ZMYM6: variants seen among roughly 807,000 people sequenced by gnomAD.
ZMYM6 encodes the protein zinc finger MYM-type protein 6.
In ZMYM6, 90 loss-of-function variants were observed where a neutral mutation model predicts 134.0. The ratio of observed to expected loss-of-function variants is 0.67; its 90% CI spans 0.57 to 0.80. ZMYM6 has a LOEUF of 0.80. Ranked by LOEUF, ZMYM6 falls within the 30% of genes least tolerant of loss-of-function variation. The pLI is 0.00. For synonymous variants in ZMYM6, 481 were observed against 524.1 expected (o/e 0.92, Z 1.12); for missense variants, 1,362 against 1,533.9 (o/e 0.89, Z 1.87).
intron 4 of ZMYM6, among the ~76,000 whole-genome samples, chr1:35,015,491 C>T (rs559279896): frequency 1.3e-5 from 2 of 151,720 alleles, no homozygotes; most frequent in African/African-American, 2.4e-5. Context: ...TTTGGGAGGC[C>T]GAGGTGGGCG....
Position 35,008,846 on chromosome 1 carries a change from G to A in ZMYM6, c.1571C>T (p.Thr524Ile). 2 of 1,614,136 alleles carry A rather than the reference G, an allele frequency of 1.2e-6. No individual in the cohort carries two copies. The highest frequency in any genetic ancestry group is 2.7e-5 in the African/African-American group (2 of 75,040). Residue 524 changes from threonine (T) to isoleucine (I), a missense_variant, in exon 11 of 16, where the codon ACA becomes ATA. Thr to Ile is a moderately conservative substitution (Grantham distance 89). Around this residue, in one of 3 missense-constraint regions of ZMYM6, gnomAD observed 824 missense variants for 940.9 expected, o/e 0.88. Coordinates refer to ENST00000357182, the MANE Select transcript of ZMYM6 (RefSeq NM_007167.4). Reference protein sequence around the residue: ...YCKMCSYCSQTSPNLVENRLE... With the variant: ...YCKMCSYCSQISPNLVENRLE... ...TCGATTTTCTACCAAATTTGGGGAT[G>A]TCTGTGAACAGTAGCTGCACATCTT... is the stretch of plus-strand genomic sequence containing the variant.
intron 14 of ZMYM6, among the ~76,000 whole-genome samples, chr1:34,994,170 G>C (rs1300261106): frequency 6.6e-6 from 1 of 152,152 alleles, no homozygotes; most frequent in African/African-American, 2.4e-5. Context: ...AGATACCGCA[G>C]AAAACAAGAC....
rs1013308897 is a variant in ZMYM6 at position 34,988,036 on chromosome 1, G to A, written c.3046C>T (p.Arg1016Cys). The change falls in exon 16 of 16, where the codon CGT becomes TGT. Residue 1016 changes from arginine to cysteine, a missense_variant. Transcript: ENST00000357182. ...GGAGACAACTTTTCTGCCACTAAAC[G>A]TTCACGGTGAATAAAACAATGTGTA... ...AFTHCFIHRE[R>C]LVAEKLSPCL... is the part of the protein sequence containing the mutation. 6 of 1,551,396 alleles carry A rather than the reference G, an allele frequency of 3.9e-6. No individual in the cohort carries two copies. The highest frequency in any genetic ancestry group is 1.2e-5 in the South Asian group (1 of 83,986).
intron 2 of ZMYM6, among the ~76,000 whole-genome samples, chr1:35,026,733 T>C (rs1261598298): frequency 6.6e-6 from 1 of 152,208 alleles, no homozygotes; most frequent in African/African-American, 2.4e-5. Flanking sequence ...AGTTTTACCA[T>C]GAGACACTGG....
At chr1:35,017,594 T>A (rs979767488) in intron 4 of ZMYM6, 1 of 152,198 alleles carries the variant, frequency 6.6e-6, no homozygotes, top group African/African-American at 2.4e-5. Context: ...AACAATAACA[T>A]AGCTCAAAAC....
intron 11 of ZMYM6, 65 bp downstream of exon 11, chr1:35,008,685 TAC>T: frequency 6.5e-7 from 1 of 1,527,554 alleles, no homozygotes; most frequent in Non-Finnish European, 8.8e-7. Context: ...ATAATTTGAA[TAC>T]ATTTTAAATA....
At chr1:34,996,319 T>C (rs1328977255) in intron 14 of ZMYM6, among the ~76,000 whole-genome samples, 1 of 152,204 alleles carries the variant, frequency 6.6e-6, no homozygotes, top group African/African-American at 2.4e-5. Context: ...GTAAGCATTA[T>C]TTGTAGTCCC....
rs768661171 is a variant in ZMYM6 at position 35,008,868 on chromosome 1, T to C, written c.1549A>G (p.Met517Val). 1.9e-6 allele frequency: 3 copies of C among 1,614,060 alleles called. No homozygotes were observed. In the South Asian group the frequency reaches 3.3e-5, roughly 18 times the overall value. ...FGERWGNYCK[M>V]CSYCSQTSPN... ...GATGTCTGTGAACAGTAGCTGCACA[T>C]CTTACAGTAGTTTCCCCATCGTTCT... Residue 517 changes from methionine (M) to valine (V), a missense_variant, in exon 11 of 16, where the codon ATG becomes GTG. Met to Val is a conservative substitution (Grantham distance 21). Coordinates refer to ENST00000357182, the MANE Select transcript of ZMYM6 (RefSeq NM_007167.4).
chr1:34,990,309 T>C, intron 15 of ZMYM6: 1 of 281,458 alleles, frequency 3.6e-6, no homozygotes, highest in South Asian at 2.9e-5. Context: ...TGAAATCCCG[T>C]CTCTACTAAA....
chr1:34,992,136 T>C (rs1428766684), intron 15 of ZMYM6, 98 bp downstream of exon 15: 1 of 1,486,490 alleles, frequency 6.7e-7, no homozygotes, highest in Non-Finnish European at 9.4e-7. Context: ...TTTTCACATT[T>C]AAGACTCTGT....
Position 35,019,596 on chromosome 1 carries a change from T to A in ZMYM6, c.185A>T (p.Gln62Leu). Residue 62 changes from glutamine (Q) to leucine (L), a missense_variant, in exon 4 of 16, where the codon CAG becomes CTG. Physicochemically the swap from Gln to Leu is moderately radical, Grantham distance 113. Transcript: ENST00000357182. ...AGAAAGCTGAAAGCCTGGGTTCAAC[T>A]GCTGGGCTATCAAAACAAAATAAAA... ...SSVNERPIAQ[Q>L]LNPGFQLSFA... 6.3e-7 allele frequency: 1 copy of A among 1,588,350 alleles called. No individual in the cohort carries two copies. Among genetic ancestry groups the A allele is most frequent in the South Asian group, 1.2e-5 (1 of 86,086 alleles).
chr1:35,005,989 A>ATTT lies in ZMYM6; in HGVS notation c.1814-718_1814-717insAAA, dbSNP rs1640959140. On this transcript the variant is annotated intron_variant, in intron 12 of 15. Coordinates refer to ENST00000357182, the MANE Select transcript of ZMYM6 (RefSeq NM_007167.4). ...CAATCAGGTAGCACTCCAGGCTTTGAACAGAGAACATAATAGCAAGTGGCT... is the reference window on the plus strand; with the variant it reads ...CAATCAGGTAGCACTCCAGGCTTTGATTTACAGAGAACATAATAGCAAGTGGCT... Among the ~76,000 whole-genome samples, 11 of 152,352 alleles carry ATTT rather than the reference A, an allele frequency of 7.2e-5. No homozygotes were observed. In the South Asian group the frequency reaches 1.9e-3, roughly 26 times the overall value.
At chr1:35,001,907 T>G (rs1300573904) in intron 14 of ZMYM6, among the ~76,000 whole-genome samples, 1 of 152,234 alleles carries the variant, frequency 6.6e-6, no homozygotes, top group African/African-American at 2.4e-5. Context: ...AGAATGACTC[T>G]AATGTGGTTT....
At chr1:35,001,515 AG>A (rs1640880888) in intron 14 of ZMYM6, among the ~76,000 whole-genome samples, 1 of 152,156 alleles carries the variant, frequency 6.6e-6, no homozygotes, top group South Asian at 2.1e-4. Context: ...ATATATACAG[AG>A]GAAAGAAGCA....
intron 14 of ZMYM6, among the ~76,000 whole-genome samples, chr1:34,993,526 T>C (rs1640722772): frequency 6.6e-6 from 1 of 152,206 alleles, no homozygotes; most frequent in Non-Finnish European, 1.5e-5. Context: ...ATAATCTCCC[T>C]ATTTTAAGGT....
At chr1:34,989,562 T>A (rs570705984) in intron 15 of ZMYM6, 1 of 151,810 alleles carries the variant, frequency 6.6e-6, no homozygotes, top group Non-Finnish European at 1.5e-5. Flanking sequence ...AAGAATAAAT[T>A]TTTTATTGGT....
chr1:35,023,139 G>C (rs112811439), intron 2 of ZMYM6, among the ~76,000 whole-genome samples: 1 of 150,900 alleles, frequency 6.6e-6, no homozygotes, highest in African/African-American at 2.4e-5. Flanking sequence ...ATGGAGTTTC[G>C]CTCTTGTTGC....
chr1:34,989,088 TCCAATGATGCTA>T (rs1159843028), intron 15 of ZMYM6, 153 bp from the exon 16 acceptor site: 1 of 1,429,216 alleles, frequency 7.0e-7, no homozygotes, highest in Non-Finnish European at 9.1e-7. Flanking sequence ...TCATAATACT[TCCAATGATGCTA>T]CTGAAAACTG....
intron 4 of ZMYM6, among the ~76,000 whole-genome samples, chr1:35,015,610 G>A (rs1364814665): frequency 6.6e-6 from 1 of 150,450 alleles, no homozygotes; most frequent in Non-Finnish European, 1.5e-5. Context: ...TGTAATCCCA[G>A]CTACTCGGGA....
Sources: gnomAD v4.1 joint callset for allele counts (sites outside exome capture counted in the v4.1 genomes callset) on GRCh38, gnomAD v4.1.1 for gene constraint, gnomAD v4.1.1 regional missense constraint, MANE v1.5 for transcripts, NCBI Gene and HGNC (gene_info 2026-07-23, HGNC 2026-07-21) for gene names.